Variants in XPNPEP3 observed in about 807,000 individuals in gnomAD.
The protein encoded by XPNPEP3 is X-prolyl aminopeptidase 3.
A neutral mutation model predicts 60.0 loss-of-function variants in XPNPEP3; 41 were observed. That is an observed-to-expected ratio of 0.68 (90% CI 0.53 to 0.89). The LOEUF (loss-of-function observed/expected upper bound fraction) is 0.89, where lower values mean the gene tolerates loss of function less well. XPNPEP3 is among the 40% of genes least tolerant of loss of function. The pLI, the probability that XPNPEP3 is intolerant of heterozygous loss-of-function variation, is 0.00. For missense variants in XPNPEP3, 598 were observed against 638.9 expected (o/e 0.94, Z 0.69); for synonymous variants, 212 against 223.2 (o/e 0.95, Z 0.45).
At chr22:40,883,384 C>T (rs967495013) in intron 3 of XPNPEP3, among the ~76,000 whole-genome samples, 4 of 151,888 alleles carry the variant, frequency 2.6e-5, no homozygotes, top group African/African-American at 9.7e-5. Context: ...GGCAGGGTCT[C>T]ACTCTGTCAC....
At chr22:40,858,936 A>G (rs986733258) in intron 1 of XPNPEP3, among the ~76,000 whole-genome samples, 2 of 152,194 alleles carry the variant, frequency 1.3e-5, no homozygotes, top group South Asian at 2.1e-4. Flanking sequence ...CATAATGTAC[A>G]TAATAGTTTA....
rs991431890 is a variant in XPNPEP3 at position 40,929,079 on chromosome 22, T to G, written c.*2644T>G. ...TAACTCCACAGCTCTGGCTGCTCACTTCCCAGGCTCTGTGCCCCCAACAGC... is the reference window on the plus strand; with the variant it reads ...TAACTCCACAGCTCTGGCTGCTCACGTCCCAGGCTCTGTGCCCCCAACAGC... On this transcript the variant is annotated 3_prime_UTR_variant, in exon 10 of 10. Transcript: ENST00000357137. The G allele has an allele frequency of 1.3e-5, 2 of 152,194 alleles. No individual in the cohort carries two copies. The highest frequency in any genetic ancestry group is 2.9e-5 in the Non-Finnish European group (2 of 68,056). The allele number at this position is 152,194 out of a possible 1,614,324, so 9.4% of individuals were successfully genotyped here. A position where few individuals can be genotyped will look rare whatever the true frequency, so the allele number is the denominator to read the frequency against.
Position 40,857,278 on chromosome 22 carries a change from G to C in XPNPEP3, c.64+33G>C, listed in dbSNP as rs950773958. The C allele has an allele frequency of 5.0e-6, 8 of 1,612,918 alleles. No homozygotes were observed. In the Admixed American group the frequency reaches 8.3e-5, roughly 17 times the overall value. ...TCTTCTCCCACGGTCTCCTCCCATG[G>C]TGTCCCCTGGAGGGACCCAAGTTGG... On this transcript the variant is annotated intron_variant, in intron 1 of 9. Transcript: ENST00000357137.
rs533735351 is a variant in XPNPEP3 at position 40,907,074 on chromosome 22, G to A, written c.793-513G>A. 6.8e-5 allele frequency: 31 copies of A among 456,302 alleles called. No individual in the cohort carries two copies. In the East Asian group the frequency reaches 1.8e-3, roughly 27 times the overall value. The allele number at this position is 456,302 out of a possible 1,614,324, so 28.3% of individuals were successfully genotyped here. On this transcript the variant is annotated intron_variant, in intron 4 of 9. Transcript: ENST00000357137. ...ACCCCAATGGGGATTAAATTGCAACGTGAATTTTGGAGGGGACACATTCAA... is the reference window on the plus strand; with the variant it reads ...ACCCCAATGGGGATTAAATTGCAACATGAATTTTGGAGGGGACACATTCAA...
rs528419479 is a variant in XPNPEP3 at position 40,907,160 on chromosome 22, G to A, written c.793-427G>A. On this transcript the variant is annotated intron_variant, in intron 4 of 9. Transcript: ENST00000357137. ...TTATTGGCCCGGCACGGTGGCTCAC[G>A]CCTGTATTCCCATCACTTTGGGAGG... 625 of 457,118 alleles carry A rather than the reference G, an allele frequency of 1.4e-3. 3 individuals carry two copies. Among genetic ancestry groups the A allele is most frequent in the Non-Finnish European group, 2.3e-3 (521 of 227,672 alleles). 28.3% of individuals were successfully genotyped at this position (457,118 alleles called of 1,614,324 possible).
At chr22:40,871,674 G>A (rs907354868) in intron 2 of XPNPEP3, among the ~76,000 whole-genome samples, 103 of 152,108 alleles carry the variant, frequency 6.8e-4, no homozygotes, top group African/African-American at 2.5e-3. Context: ...AGGTGTATGT[G>A]TGTATAAGTG....
chr22:40,865,036 C>T (rs1450349382), intron 1 of XPNPEP3, among the ~76,000 whole-genome samples: 2 of 152,178 alleles, frequency 1.3e-5, no homozygotes, highest in Non-Finnish European at 2.9e-5. Context: ...AGTTATAATA[C>T]GAGCACTTGT....
intron 4 of XPNPEP3, among the ~76,000 whole-genome samples, chr22:40,895,428 C>T (rs1008075267): frequency 1.3e-4 from 19 of 151,872 alleles, no homozygotes; most frequent in East Asian, 5.9e-4. Flanking sequence ...CTCTGCTTCC[C>T]GGGTTCAAGT....
intron 2 of XPNPEP3, among the ~76,000 whole-genome samples, chr22:40,871,098 C>T (rs184129067): frequency 6.6e-6 from 1 of 152,102 alleles, no homozygotes; most frequent in African/African-American, 2.4e-5. Context: ...TACAGTGGCT[C>T]ACGCCTATAA....
chr22:40,882,038 A>G lies in XPNPEP3; in HGVS notation c.450A>G (p.Ile150Met), dbSNP rs1467886522. 3 of 1,613,986 alleles carry G rather than the reference A, an allele frequency of 1.9e-6. No homozygotes were observed. Among genetic ancestry groups the G allele is most frequent in the Admixed American group, 3.3e-5 (2 of 59,986 alleles). The change falls in exon 3 of 10, where the codon ATA (isoleucine) becomes ATG (methionine). Residue 150 changes from isoleucine to methionine, a missense_variant. Transcript: ENST00000357137. The part of the protein sequence containing the change: ...PGKQLPSHKA[I>M]LFVPRRDPSR... Reference sequence around the variant, plus strand: ...AACAATTACCATCACACAAAGCCATACTTTTTGTGCCTCGGCGAGATCCCA... The same window carrying G: ...AACAATTACCATCACACAAAGCCATGCTTTTTGTGCCTCGGCGAGATCCCA...
In XPNPEP3 at chr22:40,932,763, A is replaced by G. The variant is rs2058259162; in HGVS notation, c.*6328A>G. The G allele has an allele frequency of 6.6e-6, 1 of 152,202 alleles. No individual in the cohort carries two copies. Among genetic ancestry groups the G allele is most frequent in the African/African-American group, 2.4e-5 (1 of 41,460 alleles). 9.4% of individuals were successfully genotyped at this position (152,202 alleles called of 1,614,324 possible). On this transcript the variant is annotated 3_prime_UTR_variant, in exon 10 of 10. Transcript: ENST00000357137. ...AAAATAGTTACGTCATTGCCCATCA[A>G]GGGAAAAGCACTTGTAACTGTCATT...
chr22:40,886,531 A>G lies in XPNPEP3; in HGVS notation c.792+16A>G. The G allele has an allele frequency of 6.2e-7, 1 of 1,612,786 alleles. No homozygotes were observed. Among genetic ancestry groups the G allele is most frequent in the Non-Finnish European group, 8.5e-7 (1 of 1,179,838 alleles). On this transcript the variant is annotated intron_variant, in intron 4 of 9. Transcript: ENST00000357137. Reference sequence around the variant, plus strand: ...GACATCACAGGTATGATTCCTATTGAAAAGTTTTTTCCAGCCGGGCGCGGT... The same window carrying G: ...GACATCACAGGTATGATTCCTATTGGAAAGTTTTTTCCAGCCGGGCGCGGT...
intron 4 of XPNPEP3, among the ~76,000 whole-genome samples, chr22:40,891,733 C>G (rs1157870759): frequency 6.6e-6 from 1 of 152,020 alleles, no homozygotes; most frequent in African/African-American, 2.4e-5. Flanking sequence ...CATTTATCTA[C>G]CACAGAAAAC....
At chr22:40,861,483 A>C (rs150104806) in intron 1 of XPNPEP3, 20 of 1,614,050 alleles carry the variant, frequency 1.2e-5, no homozygotes, top group Non-Finnish European at 1.7e-5. Context: ...CAGGGAAGAG[A>C]AAGAAGTAAG....
chr22:40,874,124 A>G (rs1022899874), intron 2 of XPNPEP3, among the ~76,000 whole-genome samples: 1 of 152,182 alleles, frequency 6.6e-6, no homozygotes, highest in African/African-American at 2.4e-5. Context: ...ATGATGCTTG[A>G]TAACAACTTT....
At chr22:40,922,270 G>GAAGTTC (rs1444736756) in intron 7 of XPNPEP3, 63 bp from the exon 8 acceptor site, 106 of 1,598,616 alleles carry the variant, frequency 6.6e-5, no homozygotes, top group Non-Finnish European at 8.6e-5. Context: ...ATCAAACTTA[G>GAAGTTC]TAGCAAACTT....
At chr22:40,912,568 A>AT in intron 6 of XPNPEP3, among the ~76,000 whole-genome samples, 1 of 152,144 alleles carries the variant, frequency 6.6e-6, no homozygotes, top group South Asian at 2.1e-4. Context: ...GGTTTCTTTA[A>AT]AAAGTAAACA....
chr22:40,860,465 A>G, intron 1 of XPNPEP3: 1 of 399,244 alleles, frequency 2.5e-6, no homozygotes, highest in Non-Finnish European at 4.3e-6. Flanking sequence ...CTGTTCCTCC[A>G]TTGGAAAACA....
chr22:40,864,386 GAGA>G (rs2057967106), intron 1 of XPNPEP3, among the ~76,000 whole-genome samples: 1 of 152,124 alleles, frequency 6.6e-6, no homozygotes, highest in Non-Finnish European at 1.5e-5. Flanking sequence ...GACAGTCTAG[GAGA>G]AGATGTTCGC....
Sources: gnomAD v4.1 joint callset for allele counts (sites outside exome capture counted in the v4.1 genomes callset) on GRCh38, gnomAD v4.1.1 for gene constraint, MANE v1.5 for transcripts, NCBI Gene and HGNC (gene_info 2026-07-23, HGNC 2026-07-21) for gene names.